The following SNAPC1 variants were observed in gnomAD, a reference collection of about 807,000 sequenced individuals.
The protein encoded by SNAPC1 is snRNA-activating protein complex subunit 1.
A neutral mutation model predicts 50.1 loss-of-function variants in SNAPC1; 42 were observed. That is an observed-to-expected ratio of 0.84 (90% CI 0.65 to 1.08). The LOEUF (loss-of-function observed/expected upper bound fraction) is 1.08, where lower values mean the gene tolerates loss of function less well. Ranked by LOEUF, SNAPC1 falls within the 50% of genes least tolerant of loss-of-function variation. The pLI, the probability that SNAPC1 is intolerant of heterozygous loss-of-function variation, is 0.00. For synonymous variants in SNAPC1, 164 were observed against 144.2 expected, an observed-to-expected ratio of 1.14 and a Z score of -0.98; for missense variants, 477 against 427.3, an observed-to-expected ratio of 1.12 and a Z score of -1.02.
chr14:61,768,961 G>A (rs1283829506), intron 4 of SNAPC1, among the ~76,000 whole-genome samples: 1 of 152,082 alleles, frequency 6.6e-6, no homozygotes. Flanking sequence ...GACTGGACCT[G>A]GACTGAAGAT....
intron 4 of SNAPC1, among the ~76,000 whole-genome samples, chr14:61,773,016 C>T (rs1015978468): frequency 4.6e-5 from 7 of 152,172 alleles, no homozygotes; most frequent in African/African-American, 1.7e-4. Flanking sequence ...GCCTGTAATC[C>T]ATTCTCACTG....
chr14:61,776,253 G>GGT lies in SNAPC1; in HGVS notation c.693+1_693+2dup, dbSNP rs746157804. 1 of 1,609,746 alleles carries GGT rather than the reference G, an allele frequency of 6.2e-7. No individual in the cohort carries two copies. Among genetic ancestry groups the GGT allele is most frequent in the South Asian group, 1.1e-5 (1 of 90,304 alleles). ...ATCAGCAGTGGCACAAAGACAGAAA[G>GGT]GTATGCAATCACTTGTTTGGTGCCT... On this transcript the variant is annotated frameshift_variant and splice_region_variant. Coordinates refer to ENST00000216294, the MANE Select transcript of SNAPC1 (RefSeq NM_003082.4). LOFTEE classifies it high-confidence loss of function.
At chr14:61,767,097 A>T in intron 2 of SNAPC1, 62 bp downstream of exon 2, 1 of 1,129,444 alleles carries the variant, frequency 8.9e-7, no homozygotes, top group East Asian at 2.8e-5. Flanking sequence ...TATTTTTATA[A>T]TAAATATTAT....
intron 4 of SNAPC1, among the ~76,000 whole-genome samples, chr14:61,769,393 G>GTTTC (rs2044971750): frequency 8.6e-6 from 1 of 116,376 alleles, no homozygotes; most frequent in East Asian, 2.6e-4. Context: ...ATTTCCTGAG[G>GTTTC]TTTTTTTTTT....
intron 4 of SNAPC1, among the ~76,000 whole-genome samples, chr14:61,771,007 A>T (rs1177375894): frequency 1.3e-5 from 2 of 152,090 alleles, no homozygotes; most frequent in Non-Finnish European, 2.9e-5. Context: ...CTCCCAAAGT[A>T]CTGCAATTAC....
chr14:61,762,625 C>G (rs1254248553), intron 1 of SNAPC1, 37 bp downstream of exon 1: 2 of 1,610,924 alleles, frequency 1.2e-6, no homozygotes, highest in African/African-American at 1.3e-5. Context: ...CTCTCCCTGC[C>G]CGCAGGTGGT....
intron 1 of SNAPC1, among the ~76,000 whole-genome samples, chr14:61,765,247 C>T (rs2044938370): frequency 6.6e-6 from 1 of 152,102 alleles, no homozygotes; most frequent in Non-Finnish European, 1.5e-5. Context: ...ATAGTTTATT[C>T]ATTATGCTGT....
chr14:61,792,877 A>C lies in SNAPC1; in HGVS notation c.1047A>C (p.Glu349Asp). The change falls in exon 9 of 10, where the codon GAA becomes GAC. Residue 349 changes from glutamate (E) to aspartate (D), a missense_variant. Coordinates refer to ENST00000216294, the MANE Select transcript of SNAPC1 (RefSeq NM_003082.4). Reference protein sequence around the residue: ...SLSMPVITEEEENESLSGTEF... With the variant: ...SLSMPVITEEDENESLSGTEF... ...GTATGCCTGTAATTACAGAAGAAGAAGAGAATGAAAGTTTGAGTGGAACAG... is the reference window on the plus strand; with the variant it reads ...GTATGCCTGTAATTACAGAAGAAGACGAGAATGAAAGTTTGAGTGGAACAG... 1 of 1,605,196 alleles carries C rather than the reference A, an allele frequency of 6.2e-7. No individual in the cohort carries two copies. Among genetic ancestry groups the C allele is most frequent in the Non-Finnish European group, 8.5e-7 (1 of 1,174,308 alleles).
intron 1 of SNAPC1, among the ~76,000 whole-genome samples, chr14:61,764,250 A>G (rs1393817045): frequency 1.3e-5 from 2 of 152,262 alleles, no homozygotes; most frequent in Non-Finnish European, 2.9e-5. Context: ...ACCATAGTAC[A>G]TATAATATTA....
rs1031879397 is a variant in SNAPC1, at chr14:61,778,218, T to A, written c.762+78T>A. Reference sequence around the variant, plus strand: ...GCATTGTGACCCATGGTCAGTATTATAAGACATATAAGAGAAAATTCTGAA... The same window carrying A: ...GCATTGTGACCCATGGTCAGTATTAAAAGACATATAAGAGAAAATTCTGAA... On this transcript the variant is annotated intron_variant, in intron 6 of 9. Coordinates refer to ENST00000216294, the MANE Select transcript of SNAPC1 (RefSeq NM_003082.4). 1.6e-5 allele frequency: 12 copies of A among 755,890 alleles called. No homozygotes were observed. In the Admixed American group the frequency reaches 3.5e-4, roughly 22 times the overall value. 46.8% of individuals were successfully genotyped at this position (755,890 alleles called of 1,614,324 possible). A position where few individuals can be genotyped will look rare whatever the true frequency, so the allele number is the denominator to read the frequency against.
At position 61,767,472 on chromosome 14, in the gene SNAPC1, T is replaced by C. The variant is rs1594642728; in HGVS notation, c.429+120T>C. The C allele has an allele frequency of 8.0e-5, 45 of 563,386 alleles. No homozygotes were observed. The East Asian group carries it at 1.7e-3, about 21-fold the overall frequency. The allele number at this position is 563,386 out of a possible 1,614,324, so 34.9% of individuals were successfully genotyped here. On this transcript the variant is annotated intron_variant, in intron 3 of 9. Transcript: ENST00000216294. ...TGATAGTGTTCAAGACTTTTAGCTT[T>C]TTTTTTTTTTAGACAGAGTCTTGCT...
At chr14:61,794,491 C>T (rs575350849) in intron 9 of SNAPC1, among the ~76,000 whole-genome samples, 65 of 152,212 alleles carry the variant, frequency 4.3e-4, no homozygotes, top group Admixed American at 2.8e-3. Context: ...CTGCAACCTC[C>T]ACCTCCTGGG....
chr14:61,788,753 AT>A (rs781728836), intron 8 of SNAPC1, among the ~76,000 whole-genome samples: 14 of 152,222 alleles, frequency 9.2e-5, no homozygotes, highest in Non-Finnish European at 1.8e-4. Context: ...GCAATTTAGA[AT>A]CAGGTCAAAA....
rs536377420 is a variant in SNAPC1, at chr14:61,792,921, C to G, written c.1072+19C>G. On this transcript the variant is annotated intron_variant, in intron 9 of 9. Transcript: ENST00000216294. Reference sequence around the variant, plus strand: ...GGAACAGGTACAGATAAAATTTGGTCAAACTAGTCAAGTAAACTAACTTAT... The same window carrying G: ...GGAACAGGTACAGATAAAATTTGGTGAAACTAGTCAAGTAAACTAACTTAT... The G allele has an allele frequency of 4.0e-5, 54 of 1,336,696 alleles. No individual in the cohort carries two copies. Among genetic ancestry groups the G allele is most frequent in the Admixed American group, 2.2e-4 (11 of 51,132 alleles). 82.8% of individuals were successfully genotyped at this position (1,336,696 alleles called of 1,614,324 possible).
intron 3 of SNAPC1, 117 bp from the exon 4 acceptor site, chr14:61,768,519 G>A: frequency 1.7e-6 from 1 of 579,838 alleles, no homozygotes; most frequent in Non-Finnish European, 3.1e-6. Context: ...CCTTACAGCT[G>A]GTTTTGTTTT....
At position 61,773,495 on chromosome 14, in the gene SNAPC1, T is replaced by A. The variant is rs2352539; in HGVS notation, c.535-2600T>A. Among the ~76,000 whole-genome samples the A allele has an allele frequency of 8.3e-3, 1,227 of 148,402 alleles. 14 individuals carry two copies. Among genetic ancestry groups the A allele is most frequent in the African/African-American group, 0.029 (1,151 of 40,370 alleles). On this transcript the variant is annotated intron_variant, in intron 4 of 9. Transcript: ENST00000216294. Reference sequence around the variant, plus strand: ...CTGCAAGCTCTGCTTCCTGGGTTCATGCCATTCTCCTGCCTCGGCCTGCTG... The same window carrying A: ...CTGCAAGCTCTGCTTCCTGGGTTCAAGCCATTCTCCTGCCTCGGCCTGCTG...
At chr14:61,768,915 A>C (rs1383652855) in intron 4 of SNAPC1, among the ~76,000 whole-genome samples, 175 bp downstream of exon 4, 1 of 152,228 alleles carries the variant, frequency 6.6e-6, no homozygotes, top group Non-Finnish European at 1.5e-5. Context: ...CAAGGCTTAC[A>C]AATCTTGAAA....
chr14:61,762,699 C>A, intron 1 of SNAPC1, 111 bp downstream of exon 1: 1 of 1,286,848 alleles, frequency 7.8e-7, no homozygotes, highest in Non-Finnish European at 1.1e-6. Flanking sequence ...GCGGCAGTCA[C>A]CGAAGGTTGC....
At position 61,778,913 on chromosome 14, in the gene SNAPC1, A is replaced by G; in HGVS notation, c.825+3A>G. On this transcript the variant is annotated splice_donor_region_variant and intron_variant, in intron 7 of 9. Coordinates refer to ENST00000216294, the MANE Select transcript of SNAPC1 (RefSeq NM_003082.4). ...AGGCCTTTTCAGTTGTCATACAGGT[A>G]AGTTATTCTTTAATAAGGTAATTTG... The G allele has an allele frequency of 6.7e-7, 1 of 1,497,868 alleles. No homozygotes were observed. The allele number at this position is 1,497,868 out of a possible 1,614,324, so 92.8% of individuals were successfully genotyped here.
Sources: gnomAD v4.1 joint callset for allele counts (sites outside exome capture counted in the v4.1 genomes callset) on GRCh38, gnomAD v4.1.1 for gene constraint, MANE v1.5 for transcripts, NCBI Gene and HGNC (gene_info 2026-07-23, HGNC 2026-07-21) for gene names.